The following TRPM6 variants were observed in gnomAD, a reference collection of about 807,000 sequenced individuals.
TRPM6 encodes channel kinase 2.
Under a neutral mutation model 247.6 loss-of-function variants are expected in TRPM6, and 111 were observed. The ratio of observed to expected loss-of-function variants is 0.45; its 90% CI spans 0.38 to 0.52. The LOEUF is 0.52. TRPM6 is among the 20% of genes least tolerant of loss of function. The probability of loss-of-function intolerance (pLI) is 0.00; values close to 1 mark genes in which losing one functional copy is unlikely to be tolerated. For synonymous variants in TRPM6, 892 were observed against 853.8 expected, an observed-to-expected ratio of 1.04 and a Z score of -0.78; for missense variants, 2,126 against 2,421.5, an observed-to-expected ratio of 0.88 and a Z score of 2.56.
chr9:74,733,011 C>G (rs1039675211), intron 36 of TRPM6, among the ~76,000 whole-genome samples: 1 of 151,882 alleles, frequency 6.6e-6, no homozygotes, highest in Non-Finnish European at 1.5e-5. Context: ...CTGGCCAACA[C>G]GGTGAAATCC....
At chr9:74,866,015 G>A (rs1830832734) in intron 1 of TRPM6, among the ~76,000 whole-genome samples, 1 of 152,152 alleles carries the variant, frequency 6.6e-6, no homozygotes. Context: ...GAAGTTACAT[G>A]TTTGGCCAGG....
intron 1 of TRPM6, among the ~76,000 whole-genome samples, chr9:74,862,779 C>G (rs1444170659): frequency 6.6e-6 from 1 of 152,024 alleles, no homozygotes; most frequent in East Asian, 2.0e-4. Context: ...GTCAGGAGTT[C>G]GAGACCAGCC....
chr9:74,812,459 T>A, intron 11 of TRPM6, 26 bp from the exon 12 acceptor site: 1 of 1,599,256 alleles, frequency 6.3e-7, no homozygotes, highest in Non-Finnish European at 8.5e-7. Flanking sequence ...ATAAGAAATA[T>A]AAAGACAATT....
At chr9:74,774,121 A>G (rs1300532171) in intron 24 of TRPM6, among the ~76,000 whole-genome samples, 1 of 152,202 alleles carries the variant, frequency 6.6e-6, no homozygotes, top group Non-Finnish European at 1.5e-5. Flanking sequence ...TCCTCAATAT[A>G]AAGGATCAGA....
chr9:74,774,237 G>A (rs1467068210), intron 24 of TRPM6, among the ~76,000 whole-genome samples: 1 of 152,180 alleles, frequency 6.6e-6, no homozygotes, highest in Non-Finnish European at 1.5e-5. Flanking sequence ...AGACCAAGGT[G>A]AACCCAGGAA....
At chr9:74,777,869 T>C in intron 23 of TRPM6, among the ~76,000 whole-genome samples, 1 of 152,212 alleles carries the variant, frequency 6.6e-6, no homozygotes, top group East Asian at 1.9e-4. Context: ...CAGTCGTGCA[T>C]TTAGTTTTCT....
At chr9:74,770,131 AT>A (rs1298346944) in intron 25 of TRPM6, among the ~76,000 whole-genome samples, 1 of 152,206 alleles carries the variant, frequency 6.6e-6, no homozygotes, top group Non-Finnish European at 1.5e-5. Context: ...AGAAACACAG[AT>A]TTATATAAAT....
chr9:74,800,904 G>GTTT (rs773826827), intron 16 of TRPM6, among the ~76,000 whole-genome samples: 3 of 110,520 alleles, frequency 2.7e-5, no homozygotes, highest in Non-Finnish European at 4.0e-5. Flanking sequence ...AATAAAGTGT[G>GTTT]TTTTTTTTTT....
chr9:74,827,802 G>A lies in TRPM6; in HGVS notation c.817C>T (p.Leu273Phe). 1 of 1,614,076 alleles carries A rather than the reference G, an allele frequency of 6.2e-7. No homozygotes were observed. Among genetic ancestry groups the A allele is most frequent in the South Asian group, 1.1e-5 (1 of 91,070 alleles). The change falls in exon 7 of 39, where the codon CTC (leucine) becomes TTC (phenylalanine). Residue 273 changes from leucine to phenylalanine, a missense_variant. Transcript: ENST00000360774. Reference protein sequence around the residue: ...MKLRRNLEKYLSLQKIHCRSR... With the variant: ...MKLRRNLEKYFSLQKIHCRSR... ...CGGCAGTGTATTTTCTGCAGAGAGA[G>A]GTACTTCTCCAGGTTCCTTCTGAGC...
At chr9:74,856,230 G>C (rs1044406438) in intron 2 of TRPM6, among the ~76,000 whole-genome samples, 6 of 152,046 alleles carry the variant, frequency 3.9e-5, no homozygotes, top group Admixed American at 1.3e-4. Context: ...CTTGAGTTCA[G>C]GAGTCCAAGA....
At chr9:74,858,633 T>C (rs1325718088) in intron 2 of TRPM6, 36 bp downstream of exon 2, 1 of 1,408,842 alleles carries the variant, frequency 7.1e-7, no homozygotes, top group South Asian at 1.2e-5. Flanking sequence ...TCAGGTAGTG[T>C]TGCTTTTAAA....
intron 18 of TRPM6, among the ~76,000 whole-genome samples, chr9:74,793,289 T>C (rs1393106770): frequency 6.6e-6 from 1 of 152,198 alleles, no homozygotes; most frequent in Non-Finnish European, 1.5e-5. Context: ...AAGCTGACTC[T>C]GTAGTAATCA....
intron 1 of TRPM6, among the ~76,000 whole-genome samples, chr9:74,884,040 T>A (rs1017969697): frequency 2.6e-5 from 4 of 152,250 alleles, no homozygotes; most frequent in African/African-American, 9.6e-5. Flanking sequence ...TCCCAGCTAC[T>A]TGGGAGGCTG....
intron 1 of TRPM6, among the ~76,000 whole-genome samples, chr9:74,878,404 C>T (rs1219932459): frequency 6.6e-6 from 1 of 152,202 alleles, no homozygotes; most frequent in Non-Finnish European, 1.5e-5. Flanking sequence ...CTGCTATCAC[C>T]ACTAGGGCCC....
chr9:74,736,390 A>G (rs1035054630), intron 36 of TRPM6, among the ~76,000 whole-genome samples: 1 of 152,186 alleles, frequency 6.6e-6, no homozygotes, highest in Non-Finnish European at 1.5e-5. Flanking sequence ...TCCAAAGACT[A>G]GAAATACAAA....
Position 74,750,817 on chromosome 9 carries a change from C to T in TRPM6, c.4999-95G>A. The T allele has an allele frequency of 8.5e-6, 9 of 1,063,100 alleles. No individual in the cohort carries two copies. The South Asian group carries it at 1.1e-4, about 14-fold the overall frequency. The allele number at this position is 1,063,100 out of a possible 1,614,324, so 65.9% of individuals were successfully genotyped here. ...TGCCAAACACGCTCCTTGGAGAATC[C>T]TTCTTTTTTCTTCATCTACCTGAAT... On this transcript the variant is annotated intron_variant, in intron 29 of 38. Transcript: ENST00000360774.
At chr9:74,836,125 C>T (rs923816289) in intron 5 of TRPM6, among the ~76,000 whole-genome samples, 2 of 152,122 alleles carry the variant, frequency 1.3e-5, no homozygotes, top group Admixed American at 6.5e-5. Flanking sequence ...GCCTACTCAT[C>T]CCTCTCCCCC....
At chr9:74,736,583 A>AT (rs1825702985) in intron 36 of TRPM6, among the ~76,000 whole-genome samples, 1 of 152,196 alleles carries the variant, frequency 6.6e-6, no homozygotes, top group Non-Finnish European at 1.5e-5. Flanking sequence ...CATAATTACT[A>AT]TTATAGGATT....
chr9:74,754,773 C>A (rs961281253), intron 28 of TRPM6, among the ~76,000 whole-genome samples: 1 of 152,176 alleles, frequency 6.6e-6, no homozygotes, highest in Non-Finnish European at 1.5e-5. Context: ...TCATTGCTAT[C>A]TTTTCTGTTC....
Sources: gnomAD v4.1 joint callset for allele counts (sites outside exome capture counted in the v4.1 genomes callset) on GRCh38, gnomAD v4.1.1 for gene constraint, MANE v1.5 for transcripts, NCBI Gene and HGNC (gene_info 2026-07-23, HGNC 2026-07-21) for gene names.